The following ABCA13 variants were observed in gnomAD, a reference collection of about 807,000 sequenced individuals.
ABCA13 encodes the protein ATP-binding cassette sub-family A member 13.
In ABCA13, 476 loss-of-function variants were observed where a neutral mutation model predicts 478.7. The ratio of observed to expected loss-of-function variants is 0.99; its 90% CI spans 0.92 to 1.07. The LOEUF (loss-of-function observed/expected upper bound fraction) is 1.07. Ranked by LOEUF, ABCA13 falls within the 50% of genes least tolerant of loss-of-function variation. The pLI is 0.00. For synonymous variants in ABCA13, 2,252 were observed against 2,158.9 expected (o/e 1.04, Z -1.20); for missense variants, 6,060 against 5,910.6 (o/e 1.03, Z -0.83).
At chr7:48,265,428 A>G (rs1382209197) in intron 15 of ABCA13, among the ~76,000 whole-genome samples, 1 of 151,346 alleles carries the variant, frequency 6.6e-6, no homozygotes, top group African/African-American at 2.4e-5. Flanking sequence ...ATATCTCTCC[A>G]TTTATTTTGT....
chr7:48,559,388 G>A (rs1462375712), intron 55 of ABCA13, among the ~76,000 whole-genome samples: 1 of 151,996 alleles, frequency 6.6e-6, no homozygotes, highest in Admixed American at 6.6e-5. Context: ...TGTGATAAAT[G>A]CTGCCAGGCC....
chr7:48,415,148 A>G (rs1325100436), intron 41 of ABCA13, among the ~76,000 whole-genome samples: 4 of 152,168 alleles, frequency 2.6e-5, no homozygotes, highest in African/African-American at 7.2e-5. Context: ...AGTTGTCACT[A>G]TCTTCTTAAA....
intron 16 of ABCA13, among the ~76,000 whole-genome samples, chr7:48,271,354 C>A (rs1158354669): frequency 6.6e-6 from 1 of 151,960 alleles, no homozygotes; most frequent in Non-Finnish European, 1.5e-5. Flanking sequence ...TGGAATTTGC[C>A]TTCCAGGACT....
chr7:48,343,663 T>G (rs1807605841), intron 29 of ABCA13, among the ~76,000 whole-genome samples: 1 of 152,060 alleles, frequency 6.6e-6, no homozygotes, highest in South Asian at 2.1e-4. Flanking sequence ...TCTTTAGTGG[T>G]GCTTTCTGAG....
chr7:48,203,465 C>T (rs1323525247), intron 3 of ABCA13, among the ~76,000 whole-genome samples: 1 of 152,228 alleles, frequency 6.6e-6, no homozygotes, highest in African/African-American at 2.4e-5. Context: ...ACTGCCAGCA[C>T]GCTGTCACCT....
intron 23 of ABCA13, among the ~76,000 whole-genome samples, chr7:48,300,324 C>T (rs1344400892): frequency 6.6e-6 from 1 of 152,228 alleles, no homozygotes; most frequent in Non-Finnish European, 1.5e-5. Flanking sequence ...TTCCTTTATT[C>T]ACTTAGGAGG....
chr7:48,282,391 G>T (rs983299233), intron 19 of ABCA13, among the ~76,000 whole-genome samples: 1 of 152,228 alleles, frequency 6.6e-6, no homozygotes, highest in African/African-American at 2.4e-5. Context: ...GAGCAGGGCT[G>T]CCCAGAGCCC....
intron 59 of ABCA13, among the ~76,000 whole-genome samples, chr7:48,638,772 G>A (rs1180402389): frequency 6.6e-6 from 1 of 152,162 alleles, no homozygotes; most frequent in East Asian, 1.9e-4. Context: ...TCAAATTTTT[G>A]CATTTTATAG....
rs369713511 is a variant in ABCA13 at position 48,582,242 on chromosome 7, C to G, written c.14505+1868C>G. Among the ~76,000 whole-genome samples, 30 of 152,290 alleles carry G rather than the reference C, an allele frequency of 2.0e-4. 2 individuals are homozygous for G. The South Asian group carries it at 6.0e-3, about 31-fold the overall frequency. On this transcript the variant is annotated intron_variant, in intron 56 of 61. Coordinates refer to ENST00000435803, the MANE Select transcript of ABCA13 (RefSeq NM_152701.5). ...CCAGGGTACAAGTTCTTGACTAAGA[C>G]ATTACTCTGACACTTAGTTTATTCA...
rs1037260779 is a variant in ABCA13 at position 48,278,210 on chromosome 7, T to C, written c.7016T>C (p.Leu2339Pro). 1.3e-5 allele frequency: 21 copies of C among 1,602,718 alleles called. No individual in the cohort carries two copies. Among genetic ancestry groups the C allele is most frequent in the Non-Finnish European group, 1.7e-5 (20 of 1,173,008 alleles). The change falls in exon 18 of 62, where the codon CTA becomes CCA. Residue 2339 changes from leucine (L) to proline (P), a missense_variant. By Grantham distance (98) the Leu-to-Pro change is moderately conservative. Around this residue, in one of 3 missense-constraint regions of ABCA13, gnomAD observed 4,423 missense variants for 4,309.1 expected, o/e 1.03. Transcript: ENST00000435803. ...AGTTTAAAGGAGACTATATATCACC[T>C]AATGAAAAGTTCATTTATATTAGAC... ...FSSLKETIYH[L>P]MKSSFILDNG...
intron 42 of ABCA13, among the ~76,000 whole-genome samples, chr7:48,450,972 C>CTTTTTTTTTTTTTTTTTTTTTTTTTTT (rs11423408): frequency 1.4e-5 from 2 of 139,694 alleles, no homozygotes; most frequent in African/African-American, 2.7e-5. Context: ...TTATTATATT[C>CTTTTTTTTTTTTTTTTTTTTTTTTTTT]TTTTTTTTTT....
intron 55 of ABCA13, among the ~76,000 whole-genome samples, chr7:48,540,639 A>G (rs527563568): frequency 1.3e-5 from 2 of 152,070 alleles, no homozygotes; most frequent in Non-Finnish European, 2.9e-5. Context: ...CATTCATTCA[A>G]TATATTAAGG....
chr7:48,518,466 A>G (rs1483098806), intron 52 of ABCA13, among the ~76,000 whole-genome samples: 2 of 152,196 alleles, frequency 1.3e-5, no homozygotes, highest in Non-Finnish European at 1.5e-5. Flanking sequence ...AGGTTTTACC[A>G]GTGTGGCAAG....
At chr7:48,550,756 C>G (rs528742589) in intron 55 of ABCA13, among the ~76,000 whole-genome samples, 1 of 151,386 alleles carries the variant, frequency 6.6e-6, no homozygotes, top group South Asian at 2.1e-4. Context: ...TCCATCCATC[C>G]GTCCATCCAT....
At chr7:48,607,805 TCTTA>T (rs1239632659) in intron 58 of ABCA13, among the ~76,000 whole-genome samples, 2 of 152,206 alleles carry the variant, frequency 1.3e-5, no homozygotes, top group Non-Finnish European at 1.5e-5. Context: ...TGTGTTTGTG[TCTTA>T]CTTATTTGCC....
At chr7:48,455,317 A>G in intron 43 of ABCA13, 31 bp downstream of exon 43, 1 of 1,574,618 alleles carries the variant, frequency 6.4e-7, no homozygotes. Context: ...TGATTTCGAA[A>G]TTATGTCGAG....
intron 20 of ABCA13, among the ~76,000 whole-genome samples, chr7:48,292,418 C>T (rs60189113): frequency 0.28 from 42,156 of 152,120 alleles, 6,590 homozygotes; most frequent in Non-Finnish European, 0.36. Flanking sequence ...TTCCTTCTCC[C>T]CTTGCCTCGA....
intron 1 of ABCA13, among the ~76,000 whole-genome samples, chr7:48,189,260 C>T (rs1291673993): frequency 6.6e-6 from 1 of 151,946 alleles, no homozygotes; most frequent in East Asian, 1.9e-4. Context: ...AAGCAAGATT[C>T]GAGGATAATA....
intron 48 of ABCA13, among the ~76,000 whole-genome samples, chr7:48,494,228 G>A (rs1356751329): frequency 6.6e-6 from 1 of 152,170 alleles, no homozygotes; most frequent in Admixed American, 6.5e-5. Flanking sequence ...AGCAGTGGAT[G>A]ACATGCATGG....
Sources: allele counts gnomAD v4.1 joint callset (sites outside exome capture counted in the v4.1 genomes callset), GRCh38; gene constraint gnomAD v4.1.1; regional missense constraint gnomAD v4.1.1; transcripts MANE v1.5; gene names NCBI Gene and HGNC (gene_info 2026-07-23, HGNC 2026-07-21).